COL6A2: variants seen among roughly 807,000 people sequenced by gnomAD.
COL6A2 encodes collagen type VI alpha 2 chain.
COL6A2 carries 90 observed loss-of-function variants against 124.9 expected under a neutral mutation model. That is an observed-to-expected ratio of 0.72 (90% CI 0.61 to 0.86). The LOEUF is 0.86. COL6A2 is among the 40% of genes least tolerant of loss of function. The probability of loss-of-function intolerance (pLI) is 0.00; values close to 1 mark genes in which losing one functional copy is unlikely to be tolerated. For synonymous variants in COL6A2, 793 were observed against 618.2 expected (o/e 1.28, Z -4.19); for missense variants, 1,607 against 1,502.5 (o/e 1.07, Z -1.15).
At chr21:46,119,975 A>C in intron 15 of COL6A2, 125 bp downstream of exon 15, 1 of 865,678 alleles carries the variant, frequency 1.2e-6, no homozygotes, top group Non-Finnish European at 1.9e-6. Flanking sequence ...TCCAGAGTTC[A>C]CTCTCTGCAG....
intron 14 of COL6A2, 116 bp downstream of exon 14, chr21:46,119,235 C>T: frequency 2.5e-6 from 2 of 806,980 alleles, no homozygotes; most frequent in Non-Finnish European, 4.1e-6. Flanking sequence ...GCTGGCAAGG[C>T]ACAGCCAGGC....
intron 1 of COL6A2, among the ~76,000 whole-genome samples, chr21:46,099,455 C>CAAAAA (rs35690093): frequency 5.8e-5 from 4 of 68,700 alleles, no homozygotes; most frequent in Non-Finnish European, 8.0e-5. Context: ...GAGACTGTCT[C>CAAAAA]AAAAAAAAAA....
Position 46,116,851 on chromosome 21 carries a change from C to A in COL6A2, c.999+37C>A. On this transcript the variant is annotated intron_variant, in intron 10 of 27. Transcript: ENST00000300527. The surrounding 1 kb of genome is among the most constrained non-coding windows in gnomAD (Gnocchi z 4.6). ...CTCGGGCTCACAGCTGGACTGGTCT[C>A]ACAGAGGCATCCCAGCCTCTGCAGG... is the stretch of plus-strand genomic sequence containing the variant. The A allele has an allele frequency of 1.9e-6, 3 of 1,611,496 alleles. No homozygotes were observed. The South Asian group carries it at 3.3e-5, about 18-fold the overall frequency.
At chr21:46,118,147 C>T (rs2078505660) in intron 12 of COL6A2, among the ~76,000 whole-genome samples, 1 of 152,088 alleles carries the variant, frequency 6.6e-6, no homozygotes. Context: ...CCGCTGCTCA[C>T]CGAGGCCTCG....
At chr21:46,123,033 A>C in intron 21 of COL6A2, 96 bp downstream of exon 21, 1 of 1,251,612 alleles carries the variant, frequency 8.0e-7, no homozygotes, top group Non-Finnish European at 1.2e-6. Flanking sequence ...GGAGAACGCC[A>C]GGCAGCTTGG....
At chr21:46,122,387 G>A in intron 19 of COL6A2, 109 bp from the exon 20 acceptor site, 1 of 1,445,328 alleles carries the variant, frequency 6.9e-7, no homozygotes, top group Non-Finnish European at 9.7e-7. Context: ...GCCTCACCCA[G>A]AGTGTGAATG....
intron 13 of COL6A2, 73 bp downstream of exon 13, chr21:46,118,749 G>T (rs186797464): frequency 2.7e-6 from 4 of 1,501,506 alleles, no homozygotes; most frequent in Admixed American, 1.9e-5. Context: ...GAACAGTCAC[G>T]CTGGCCACCA....
intron 27 of COL6A2, chr21:46,129,640 C>T: frequency 1.4e-6 from 2 of 1,426,932 alleles, no homozygotes; most frequent in Non-Finnish European, 1.8e-6. Flanking sequence ...TGGGGCAGCT[C>T]CCAGCCTCTT....
rs371576207 is a variant in COL6A2 at position 46,122,099 on chromosome 21, C to G, written c.1522-9C>G. The G allele has an allele frequency of 1.9e-6, 3 of 1,612,594 alleles. No individual in the cohort carries two copies. The highest frequency in any genetic ancestry group is 1.1e-5 in the South Asian group (1 of 91,030). On this transcript the variant is annotated splice_polypyrimidine_tract_variant and intron_variant, in intron 18 of 27. Transcript: ENST00000300527. ...TGACCATGCTGACCGACTCAACGTCCTCCTCCAGGGAGACCCCGGCAGGCC... is the reference window on the plus strand; with the variant it reads ...TGACCATGCTGACCGACTCAACGTCGTCCTCCAGGGAGACCCCGGCAGGCC...
chr21:46,125,699 C>T (rs574748783), intron 25 of COL6A2, 82 bp downstream of exon 25: 126 of 1,590,942 alleles, frequency 7.9e-5, no homozygotes, highest in East Asian at 6.6e-4. Flanking sequence ...AGTCCAGACG[C>T]GTCCCTCCAA....
rs767590612 is a variant in COL6A2 at position 46,125,635 on chromosome 21, G to A, written c.1969+18G>A. On this transcript the variant is annotated intron_variant, in intron 25 of 27. Transcript: ENST00000300527. Reference sequence around the variant, plus strand: ...CGAGACAGGTCAGCGGGGCAGGGGCGGGTGCAGCATTGCGGGGGGCCGGGC... The same window carrying A: ...CGAGACAGGTCAGCGGGGCAGGGGCAGGTGCAGCATTGCGGGGGGCCGGGC... The A allele has an allele frequency of 8.7e-6, 14 of 1,611,182 alleles. No individual in the cohort carries two copies. Among genetic ancestry groups the A allele is most frequent in the East Asian group, 2.2e-5 (1 of 44,816 alleles).
At chr21:46,100,537 A>G (rs2078278150) in intron 1 of COL6A2, among the ~76,000 whole-genome samples, 1 of 152,168 alleles carries the variant, frequency 6.6e-6, no homozygotes, top group African/African-American at 2.4e-5. Flanking sequence ...GTCAAACTGA[A>G]GCCCATGGAG....
rs2078566374 is a variant in COL6A2, at chr21:46,121,555, GGGATCTCGGGGAGACCCCGGTGATGCA to G, written c.1462_1488del (p.Ser488_Gly496del). The G allele has an allele frequency of 1.2e-6, 2 of 1,612,850 alleles. No individual in the cohort carries two copies. Among genetic ancestry groups the G allele is most frequent in the Non-Finnish European group, 1.7e-6 (2 of 1,179,950 alleles). On this transcript the variant is annotated inframe_deletion and splice_region_variant, in exon 18 of 28. Coordinates refer to ENST00000300527, the MANE Select transcript of COL6A2 (RefSeq NM_001849.4). ...CTTCTGAATTTCTCTCCTGCCCTCAGGGATCTCGGGGAGACCCCGGTGATGCAGGACCCCGTGGAGACTCAGGACAGC... is the reference window on the plus strand; with the variant it reads ...CTTCTGAATTTCTCTCCTGCCCTCAGGGACCCCGTGGAGACTCAGGACAGC...
chr21:46,112,536 G>A lies in COL6A2; in HGVS notation c.673G>A (p.Glu225Lys), dbSNP rs770150581. The change falls in exon 3 of 28, where the codon GAG (glutamate) becomes AAG (lysine). Residue 225 changes from glutamate to lysine, a missense_variant. By Grantham distance (56) the Glu-to-Lys change is moderately conservative. Transcript: ENST00000300527. ...CGCCACCATGCTGCCCGACTCCACC[G>A]AGATCGACCAGGACACCATCAACCG... ...DYATMLPDST[E>K]IDQDTINRII... 19 of 1,611,828 alleles carry A rather than the reference G, an allele frequency of 1.2e-5. No homozygotes were observed. The highest frequency in any genetic ancestry group is 8.3e-5 in the Admixed American group (5 of 59,996).
chr21:46,116,914 T>C lies in COL6A2; in HGVS notation c.999+100T>C. 1 of 1,042,202 alleles carries C rather than the reference T, an allele frequency of 9.6e-7. No individual in the cohort carries two copies. Among genetic ancestry groups the C allele is most frequent in the Non-Finnish European group, 1.4e-6 (1 of 691,512 alleles). 64.6% of individuals were successfully genotyped at this position (1,042,202 alleles called of 1,614,324 possible). ...AGCCTGATCTGTCAGCTTACACATGTGTACACACGCATACACACACACACA... is the reference window on the plus strand; with the variant it reads ...AGCCTGATCTGTCAGCTTACACATGCGTACACACGCATACACACACACACA... On this transcript the variant is annotated intron_variant, in intron 10 of 27. Transcript: ENST00000300527. This position sits in a 1 kb window ranked among gnomAD's most constrained non-coding sequence, Gnocchi z 4.6.
In COL6A2 at chr21:46,129,272, GA is replaced by G. The variant is rs762510341; in HGVS notation, c.2462-2681del. The G allele has an allele frequency of 2.5e-6, 4 of 1,612,914 alleles. No homozygotes were observed. The East Asian group carries it at 8.9e-5, about 36-fold the overall frequency. On this transcript the variant is annotated intron_variant, in intron 27 of 27. Coordinates refer to ENST00000300527, the MANE Select transcript of COL6A2 (RefSeq NM_001849.4). Reference sequence around the variant, plus strand: ...AGGGGCCGGACGCCACCTTCCCCAGGACCATTCCCCTGATCCAACAGTTGCT... The same window carrying G: ...AGGGGCCGGACGCCACCTTCCCCAGGCCATTCCCCTGATCCAACAGTTGCT...
intron 27 of COL6A2, among the ~76,000 whole-genome samples, chr21:46,131,421 C>T (rs1195967622): frequency 6.6e-6 from 1 of 152,244 alleles, no homozygotes; most frequent in Non-Finnish European, 1.5e-5. Context: ...GTGCCCACTG[C>T]TCCCCACCAT....
intron 21 of COL6A2, among the ~76,000 whole-genome samples, chr21:46,123,918 G>C (rs939660225): frequency 1.5e-5 from 2 of 131,142 alleles, no homozygotes; most frequent in South Asian, 4.7e-4. Flanking sequence ...TGGGTGGATA[G>C]AGGATGGATG....
At position 46,132,400 on chromosome 21, in the gene COL6A2, G is replaced by T. The variant is rs755781037; in HGVS notation, c.2908G>T (p.Val970Leu). 4 of 1,609,046 alleles carry T rather than the reference G, an allele frequency of 2.5e-6. No individual in the cohort carries two copies. The South Asian group carries it at 3.3e-5, about 13-fold the overall frequency. Residue 970 changes from valine to leucine, a missense_variant, in exon 28 of 28, where the codon GTA (valine) becomes TTA (leucine). By Grantham distance (32) the Val-to-Leu change is conservative. Transcript: ENST00000300527. The stretch of plus-strand genomic sequence containing the variant: ...GCACTCCATGCGCAAGCAGAACGTG[G>T]TACCCACCGTGCTGGCCTTGGGCAG... ...SAHSMRKQNV[V>L]PTVLALGSDV...
Sources: allele counts gnomAD v4.1 joint callset (sites outside exome capture counted in the v4.1 genomes callset), GRCh38; gene constraint gnomAD v4.1.1; non-coding constraint Gnocchi (gnomAD v3.1); transcripts MANE v1.5; gene names NCBI Gene and HGNC (gene_info 2026-07-23, HGNC 2026-07-21).